The following AMOTL1 variants were observed in gnomAD, a reference collection of about 807,000 sequenced individuals.
The protein encoded by AMOTL1 is angiomotin like 1, also known as angiomotin-like protein 1.
A neutral mutation model predicts 102.9 loss-of-function variants in AMOTL1; 45 were observed. The ratio of observed to expected loss-of-function variants is 0.44; its 90% CI spans 0.34 to 0.56. The LOEUF is 0.56. Among genes scored for constraint, AMOTL1 ranks in the 20% least tolerant of loss-of-function variants. The pLI is 0.01. For synonymous variants in AMOTL1, 481 were observed against 484.7 expected, an observed-to-expected ratio of 0.99 and a Z score of 0.10; for missense variants, 1,114 against 1,225.6, an observed-to-expected ratio of 0.91 and a Z score of 1.36.
chr11:94,830,129 A>T lies in AMOTL1; in HGVS notation c.1493A>T (p.Lys498Met). 6.2e-7 allele frequency: 1 copy of T among 1,611,298 alleles called. No individual in the cohort carries two copies. Among genetic ancestry groups the T allele is most frequent in the Non-Finnish European group, 8.5e-7 (1 of 1,178,786 alleles). ...KSTTKRESLD[K>M]AMRNKLEGEI... The stretch of plus-strand genomic sequence containing the variant: ...ACCACCAAGCGAGAATCGCTGGACA[A>T]GGCCATGAGAAACAAATTGGAAGGC... The change falls in exon 5 of 13, where the codon AAG (lysine) becomes ATG (methionine). Residue 498 changes from lysine to methionine, a missense_variant. Lys to Met is a moderately conservative substitution (Grantham distance 95, BLOSUM62 -1). Transcript: ENST00000433060.
chr11:94,804,542 T>G (rs1951535679), intron 3 of AMOTL1, among the ~76,000 whole-genome samples: 1 of 152,180 alleles, frequency 6.6e-6, no homozygotes, highest in African/African-American at 2.4e-5. Context: ...TCTACTCACC[T>G]TGGCCTCCCA....
intron 2 of AMOTL1, among the ~76,000 whole-genome samples, chr11:94,735,049 G>A (rs1950417909): frequency 6.6e-6 from 1 of 152,222 alleles, no homozygotes; most frequent in Non-Finnish European, 1.5e-5. Context: ...ATCTGTGTGA[G>A]ACTCCGTCTC....
Position 94,854,210 on chromosome 11 carries a change from C to T in AMOTL1, c.1944+128C>T, listed in dbSNP as rs932067347. The stretch of plus-strand genomic sequence containing the variant: ...TCAGAGGGAAACAAGAACTCCCTGT[C>T]CTCAGTGAACCCATACAACAACCAG... On this transcript the variant is annotated intron_variant, in intron 8 of 12. Transcript: ENST00000433060. 4.2e-6 allele frequency: 5 copies of T among 1,185,654 alleles called. No homozygotes were observed. The Admixed American group carries it at 1.5e-4, about 37-fold the overall frequency. The allele number at this position is 1,185,654 out of a possible 1,614,324, so 73.4% of individuals were successfully genotyped here.
intron 9 of AMOTL1, among the ~76,000 whole-genome samples, chr11:94,861,077 G>A (rs572353983): frequency 1.3e-4 from 20 of 152,140 alleles, no homozygotes; most frequent in Admixed American, 6.5e-4. Flanking sequence ...GAAAATGACC[G>A]TTTGGGAATC....
intron 1 of AMOTL1, among the ~76,000 whole-genome samples, chr11:94,716,671 G>C (rs1319837776): frequency 6.6e-6 from 1 of 152,066 alleles, no homozygotes; most frequent in African/African-American, 2.4e-5. Context: ...ATGGAGGAAG[G>C]GACGGGTCCT....
chr11:94,853,741 A>G (rs796474221), intron 7 of AMOTL1, among the ~76,000 whole-genome samples, 192 bp from the exon 8 acceptor site: 23 of 152,294 alleles, frequency 1.5e-4, no homozygotes, highest in African/African-American at 5.1e-4. Context: ...TAGCCATTGT[A>G]GGTATAACTG....
chr11:94,823,357 T>C (rs1592002650), intron 4 of AMOTL1, among the ~76,000 whole-genome samples: 1 of 152,152 alleles, frequency 6.6e-6, no homozygotes, highest in East Asian at 1.9e-4. Context: ...CGCCTAAAGA[T>C]TGTGGCCTCA....
intron 1 of AMOTL1, among the ~76,000 whole-genome samples, chr11:94,714,566 G>A (rs1018997873): frequency 2.0e-5 from 3 of 151,994 alleles, no homozygotes; most frequent in African/African-American, 7.2e-5. Context: ...AATAGTTGTA[G>A]AGCTGTTCAG....
At position 94,760,763 on chromosome 11, in the gene AMOTL1, C is replaced by T. The variant is rs77350930; in HGVS notation, c.136+19775C>T. Reference sequence around the variant, plus strand: ...TTTATATGTTTTAGTAAGACAAAGCCCATACCAGGGTATTTGAGCATCTAG... The same window carrying T: ...TTTATATGTTTTAGTAAGACAAAGCTCATACCAGGGTATTTGAGCATCTAG... On this transcript the variant is annotated intron_variant, in intron 3 of 4. Coordinates refer to the AMOTL1 transcript ENST00000299004. Among the ~76,000 whole-genome samples, 954 of 152,240 alleles carry T rather than the reference C, an allele frequency of 6.3e-3. 11 individuals carry two copies. Among genetic ancestry groups the T allele is most frequent in the Non-Finnish European group, 0.01 (707 of 68,024 alleles).
chr11:94,716,382 G>A (rs764503454), intron 1 of AMOTL1, among the ~76,000 whole-genome samples: 6 of 152,070 alleles, frequency 3.9e-5, no homozygotes, highest in Middle Eastern at 3.2e-3. Flanking sequence ...AAAGTTGTAT[G>A]TTTCCTTGTT....
At chr11:94,768,300 C>G, upstream of AMOTL1, 1 of 1,344,252 alleles carries the variant, frequency 7.4e-7, no homozygotes, top group Non-Finnish European at 9.5e-7. Flanking sequence ...AGTGACGAGC[C>G]CGGGCGACCC....
rs1592006138 is a variant in AMOTL1 at position 94,826,559 on chromosome 11, TG to T, written c.1414-3490del. 5.3e-5 allele frequency among the ~76,000 whole-genome samples: 8 copies of T among 152,156 alleles called. No individual in the cohort carries two copies. In the East Asian group the frequency reaches 1.3e-3, roughly 26 times the overall value. On this transcript the variant is annotated intron_variant, in intron 4 of 12. Transcript: ENST00000433060. ...CAGAAGGTCAAAGGGGAAGTGGACATGTATAAAGAGGCAAAACGTGAAGAGC... is the reference window on the plus strand; with the variant it reads ...CAGAAGGTCAAAGGGGAAGTGGACATTATAAAGAGGCAAAACGTGAAGAGC...
At chr11:94,802,577 T>C (rs1951498059) in intron 3 of AMOTL1, among the ~76,000 whole-genome samples, 2 of 152,128 alleles carry the variant, frequency 1.3e-5, no homozygotes, top group Non-Finnish European at 2.9e-5. Context: ...AGTTATGACG[T>C]TAGAAAGAAG....
chr11:94,744,114 T>A (rs1950562089), intron 3 of AMOTL1, among the ~76,000 whole-genome samples: 1 of 152,202 alleles, frequency 6.6e-6, no homozygotes, highest in Non-Finnish European at 1.5e-5. Flanking sequence ...AAGAGCTCAG[T>A]CCTGCAAGAC....
intron 3 of AMOTL1, chr11:94,741,114 C>A: frequency 1.4e-6 from 1 of 737,348 alleles, no homozygotes; most frequent in Non-Finnish European, 2.0e-6. Context: ...GGGAAAGGGT[C>A]AGGGGACACC....
chr11:94,812,397 G>A (rs938636013), intron 3 of AMOTL1, among the ~76,000 whole-genome samples: 3 of 152,194 alleles, frequency 2.0e-5, no homozygotes, highest in African/African-American at 4.8e-5. Flanking sequence ...GCATTATTTA[G>A]AGTCTCTGAT....
At chr11:94,869,146 A>G in intron 11 of AMOTL1, 52 bp from the exon 12 acceptor site, 3 of 1,179,226 alleles carry the variant, frequency 2.5e-6, no homozygotes, top group Non-Finnish European at 3.4e-6. Flanking sequence ...ACTAGATTTA[A>G]AAAAAAAAAA....
chr11:94,799,901 C>T lies in AMOTL1; in HGVS notation c.711C>T (p.Asn237=). 1 of 1,603,992 alleles carries T rather than the reference C, an allele frequency of 6.2e-7. No individual in the cohort carries two copies. Among genetic ancestry groups the T allele is most frequent in the Non-Finnish European group, 8.5e-7 (1 of 1,174,446 alleles). The change falls in exon 3 of 13, where the codon AAC becomes AAT. Residue 237 remains asparagine (N), a synonymous_variant. Coordinates refer to ENST00000433060, the MANE Select transcript of AMOTL1 (RefSeq NM_130847.3). This position sits in a 1 kb window ranked among gnomAD's most constrained non-coding sequence, Gnocchi z 4.5. The part of the protein sequence containing the change: ...KSRTEGRPTV[N]RANSGQAHKD... The stretch of plus-strand genomic sequence containing the variant: ...GAACTGAGGGGAGGCCCACTGTGAA[C>T]CGTGCCAACAGTGGACAGGCGCATA...
intron 6 of AMOTL1, among the ~76,000 whole-genome samples, chr11:94,846,718 A>G (rs926838646): frequency 1.3e-5 from 2 of 152,240 alleles, no homozygotes; most frequent in Non-Finnish European, 2.9e-5. Flanking sequence ...GGGGCAGTAC[A>G]GGGCTGTGTT....
Sources: allele counts gnomAD v4.1 joint callset (sites outside exome capture counted in the v4.1 genomes callset), GRCh38; gene constraint gnomAD v4.1.1; non-coding constraint Gnocchi (gnomAD v3.1); transcripts MANE v1.5; gene names NCBI Gene and HGNC (gene_info 2026-07-23, HGNC 2026-07-21).